OFD1: variants seen among roughly 807,000 people sequenced by gnomAD.
OFD1 encodes the protein OFD1 centriole and centriolar satellite protein.
Under a neutral mutation model 81.4 loss-of-function variants are expected in OFD1, and 12 were observed. That is an observed-to-expected ratio of 0.15 (90% CI 0.09 to 0.24). The LOEUF (loss-of-function observed/expected upper bound fraction) is 0.24, where lower values mean the gene tolerates loss of function less well. OFD1 is among the 10% of genes least tolerant of loss of function. OFD1 has a pLI of 1.00. For synonymous variants in OFD1, 256 were observed against 263.7 expected (o/e 0.97, Z 0.28); for missense variants, 685 against 733.9 (o/e 0.93, Z 0.77).
At position 13,751,497 on chromosome X, in the gene OFD1, T is replaced by G. The variant is rs959110260; in HGVS notation, c.1055+129T>G. ...TTGAAAAAAAAAAAACATAGTTTTA[T>G]CGATACAGTCAATCCTTTCCTGCAT... On this transcript the variant is annotated intron_variant, in intron 10 of 22. Transcript: ENST00000340096. 1.1e-5 allele frequency: 6 copies of G among 531,879 alleles called. No individual in the cohort carries two copies. The African/African-American group carries it at 1.4e-4, about 13-fold the overall frequency. The allele number at this position is 531,879 out of a possible 1,213,427, so 43.8% of individuals were successfully genotyped here. A position where few individuals can be genotyped will look rare whatever the true frequency, so the allele number is the denominator to read the frequency against.
downstream of OFD1, chrX:13,772,867 ACT>A: frequency 1.7e-6 from 2 of 1,207,105 alleles, no homozygotes; most frequent in Non-Finnish European, 2.2e-6. Flanking sequence ...CGGCCGAAAC[ACT>A]CTGGCAAACA....
chrX:13,772,855 G>T (rs1204229070), downstream of OFD1: 1 of 1,200,511 alleles, frequency 8.3e-7, no homozygotes, highest in East Asian at 3.0e-5. Context: ...CTGTAAATAC[G>T]TCGGCCGAAA....
intron 1 of OFD1, 72 bp downstream of exon 1, chrX:13,735,155 C>T (rs985260118): frequency 2.5e-6 from 3 of 1,198,938 alleles, no homozygotes; most frequent in African/African-American, 3.5e-5. Context: ...CGCCGCTAGG[C>T]CTCTTATGGC....
intron 5 of OFD1, among the ~76,000 whole-genome samples, chrX:13,741,467 T>C (rs950276752): frequency 9.0e-6 from 1 of 111,693 alleles, no homozygotes; most frequent in Non-Finnish European, 1.9e-5. Flanking sequence ...ATATCTATGC[T>C]CAGGGGGTGC....
At chrX:13,761,329 A>G in intron 17 of OFD1, 118 bp downstream of exon 17, 1 of 793,543 alleles carries the variant, frequency 1.3e-6, no homozygotes. Context: ...ATCATGTGGC[A>G]GTATAGAATT....
intron 6 of OFD1, among the ~76,000 whole-genome samples, chrX:13,745,349 AT>A (rs2047253938): frequency 8.9e-6 from 1 of 112,589 alleles, no homozygotes; most frequent in East Asian, 2.7e-4. Flanking sequence ...TTAATAATAT[AT>A]TTAACCCAAT....
chrX:13,755,114 A>G, intron 11 of OFD1, 37 bp from the exon 12 acceptor site: 1 of 1,012,643 alleles, frequency 9.9e-7, no homozygotes, highest in Non-Finnish European at 1.4e-6. Flanking sequence ...TCACTAGGAA[A>G]ACATTATGGT....
intron 15 of OFD1, among the ~76,000 whole-genome samples, 167 bp from the exon 16 acceptor site, chrX:13,759,948 G>A (rs1390015857): frequency 8.9e-6 from 1 of 112,330 alleles, no homozygotes; most frequent in Non-Finnish European, 1.9e-5. Context: ...GGTACAATAA[G>A]CTCTCAGTAA....
chrX:13,720,819 A>G, the OFD1 span: 1 of 110,991 alleles, frequency 9.0e-6, no homozygotes, highest in African/African-American at 3.3e-5. Flanking sequence ...TCAGCCCAGG[A>G]CTTCGAGACC....
chrX:13,717,124 G>C, the OFD1 span, among the ~76,000 whole-genome samples: 2 of 108,553 alleles, frequency 1.8e-5, no homozygotes, highest in Non-Finnish European at 3.8e-5. Flanking sequence ...GGAGGAAACT[G>C]AGAGGGCGGG....
chrX:13,756,795 GC>G, intron 13 of OFD1, 28 bp downstream of exon 13: 1 of 1,100,915 alleles, frequency 9.1e-7, no homozygotes, highest in Non-Finnish European at 1.3e-6. Flanking sequence ...CTTCTGACTT[GC>G]GTGTTTTAGT....
chrX:13,769,171 T>C lies in OFD1; in HGVS notation c.*63T>C. On this transcript the variant is annotated 3_prime_UTR_variant, in exon 23 of 23. Transcript: ENST00000340096. ...AGAAGTTACGTAACATTTACTCCTT[T>C]GTAAATGTTTCCCTATCATCAGACA... is the stretch of plus-strand genomic sequence containing the variant. 1.1e-6 allele frequency: 1 copy of C among 871,059 alleles called. No homozygotes were observed. Among genetic ancestry groups the C allele is most frequent in the Non-Finnish European group, 1.7e-6 (1 of 587,994 alleles). 71.8% of individuals were successfully genotyped at this position (871,059 alleles called of 1,213,427 possible). A position where few individuals can be genotyped will look rare whatever the true frequency, so the allele number is the denominator to read the frequency against.
At position 13,769,327 on chromosome X, in the gene OFD1, AT is replaced by A. The variant is rs747682771; in HGVS notation, c.*221del. The A allele has an allele frequency of 5.0e-6, 2 of 396,106 alleles. No homozygotes were observed. Among genetic ancestry groups the A allele is most frequent in the East Asian group, 4.2e-5 (1 of 23,883 alleles). The allele number at this position is 396,106 out of a possible 1,213,427, so 32.6% of individuals were successfully genotyped here. On this transcript the variant is annotated 3_prime_UTR_variant, in exon 23 of 23. Transcript: ENST00000340096. ...TCTCCAGTCATAGTATTTCTCATTC[AT>A]TATAATAAAAGTAACTGGCTTTTAA...
downstream of OFD1, chrX:13,773,325 T>A (rs2048337187): frequency 5.2e-6 from 1 of 191,559 alleles, no homozygotes; most frequent in African/African-American, 3.0e-5. Flanking sequence ...TTTTTTTTTT[T>A]TAATACCATT....
At chrX:13,758,949 T>C (rs1367181636) in intron 15 of OFD1, among the ~76,000 whole-genome samples, 1 of 111,403 alleles carries the variant, frequency 9.0e-6, no homozygotes, top group East Asian at 2.8e-4. Context: ...TCATTTGTAA[T>C]GGGGATAATA....
At chrX:13,722,208 C>CCAAAAAAAA in the OFD1 span, 1 of 36,116 alleles carries the variant, frequency 2.8e-5, no homozygotes, top group African/African-American at 1.2e-4. Context: ...TAAGCAGCAG[C>CCAAAAAAAA]AAAAAAAAAA....
intron 17 of OFD1, among the ~76,000 whole-genome samples, 173 bp downstream of exon 17, chrX:13,761,384 A>T (rs2047924522): frequency 9.0e-6 from 1 of 111,298 alleles, no homozygotes; most frequent in African/African-American, 3.3e-5. Flanking sequence ...AGAATCATCT[A>T]AATTACCTGG....
chrX:13,736,247 T>C, intron 2 of OFD1: 4 of 997,024 alleles, frequency 4.0e-6, no homozygotes, highest in Non-Finnish European at 3.8e-6. Context: ...ATTTGGAAGC[T>C]GGGGAAAGAA....
chrX:13,740,747 A>T (rs1369691752), intron 5 of OFD1, among the ~76,000 whole-genome samples: 1 of 104,960 alleles, frequency 9.5e-6, no homozygotes, highest in East Asian at 3.0e-4. Context: ...GAGCCAAGAT[A>T]GCGCCACTGC....
Sources: allele counts gnomAD v4.1 joint callset (sites outside exome capture counted in the v4.1 genomes callset), GRCh38; gene constraint gnomAD v4.1.1; transcripts MANE v1.5; gene names NCBI Gene and HGNC (gene_info 2026-07-23, HGNC 2026-07-21).